Variants in NPAS3 observed in about 807,000 individuals in gnomAD.
NPAS3 encodes the protein neuronal PAS domain protein 3, also known as neuronal PAS domain-containing protein 3.
A neutral mutation model predicts 73.1 loss-of-function variants in NPAS3; 14 were observed. That is an observed-to-expected ratio of 0.19 (90% confidence interval 0.13 to 0.30). The LOEUF (loss-of-function observed/expected upper bound fraction) is 0.30. Ranked by LOEUF, NPAS3 falls within the 10% of genes least tolerant of loss-of-function variation. NPAS3 has a pLI of 1.00. For missense variants in NPAS3, 1,096 were observed against 1,250.0 expected (o/e 0.88, Z 1.86); for synonymous variants, 620 against 541.5 (o/e 1.14, Z -2.01).
intron 1 of NPAS3, among the ~76,000 whole-genome samples, chr14:32,941,137 T>C (rs2139049582): frequency 6.6e-6 from 1 of 152,172 alleles, no homozygotes; most frequent in South Asian, 2.1e-4. Context: ...TTATTTTTTA[T>C]CTAACATGAA....
intron 5 of NPAS3, among the ~76,000 whole-genome samples, chr14:33,604,347 TAGAA>T (rs1489698821): frequency 3.9e-5 from 6 of 152,170 alleles, no homozygotes; most frequent in South Asian, 2.1e-4. Context: ...TTAGCACTAA[TAGAA>T]AGAGTAGCTA....
intron 4 of NPAS3, among the ~76,000 whole-genome samples, chr14:33,445,353 CT>C (rs1410817118): frequency 6.6e-6 from 1 of 152,176 alleles, no homozygotes; most frequent in Admixed American, 6.5e-5. Context: ...ATCATTCCGT[CT>C]TTGTGAAACT....
intron 4 of NPAS3, among the ~76,000 whole-genome samples, chr14:33,380,632 C>T (rs2046506186): frequency 6.6e-6 from 1 of 152,108 alleles, no homozygotes; most frequent in Admixed American, 6.6e-5. Context: ...AATGTCATGC[C>T]ATTTTGCTTT....
chr14:33,503,840 A>C (rs1451827716), intron 4 of NPAS3, among the ~76,000 whole-genome samples: 2 of 151,996 alleles, frequency 1.3e-5, no homozygotes, highest in Non-Finnish European at 2.9e-5. Context: ...TTTTCCCTTT[A>C]GGGGGAGAAT....
At chr14:33,495,247 C>T (rs1170939946) in intron 4 of NPAS3, among the ~76,000 whole-genome samples, 1 of 152,092 alleles carries the variant, frequency 6.6e-6, no homozygotes, top group Non-Finnish European at 1.5e-5. Context: ...AGTAAAGGAG[C>T]AGGAGCAGGT....
At chr14:33,777,712 G>A (rs910461299) in intron 8 of NPAS3, among the ~76,000 whole-genome samples, 8 of 152,184 alleles carry the variant, frequency 5.3e-5, no homozygotes, top group Non-Finnish European at 1.0e-4. Flanking sequence ...CCCCCAACAC[G>A]GTTTCCAATT....
chr14:33,056,426 A>G (rs1254713064), intron 2 of NPAS3, among the ~76,000 whole-genome samples: 1 of 152,228 alleles, frequency 6.6e-6, no homozygotes, highest in African/African-American at 2.4e-5. Flanking sequence ...TGTAATTTGC[A>G]TAATCCTTTA....
intron 3 of NPAS3, among the ~76,000 whole-genome samples, chr14:33,326,210 G>T (rs1230703816): frequency 6.6e-6 from 1 of 152,096 alleles, no homozygotes; most frequent in Non-Finnish European, 1.5e-5. Context: ...GCTCATCCAT[G>T]TAGAGATTAT....
intron 3 of NPAS3, among the ~76,000 whole-genome samples, chr14:33,250,591 T>A (rs2048546105): frequency 6.6e-6 from 1 of 152,148 alleles, no homozygotes; most frequent in African/African-American, 2.4e-5. Context: ...GTGGACTGTC[T>A]GTTTACTTTG....
At chr14:33,299,221 T>C (rs549568928) in intron 3 of NPAS3, among the ~76,000 whole-genome samples, 41 of 152,314 alleles carry the variant, frequency 2.7e-4, no homozygotes, top group African/African-American at 9.9e-4. Context: ...TCCCCTGAGA[T>C]ACCGTCTTTC....
intron 2 of NPAS3, among the ~76,000 whole-genome samples, chr14:33,176,059 AATAG>A: frequency 6.6e-6 from 1 of 152,302 alleles, no homozygotes; most frequent in Admixed American, 6.5e-5. Flanking sequence ...TTTAAGAGGA[AATAG>A]ATAGGTCTTA....
chr14:33,172,975 G>T (rs551909862), intron 2 of NPAS3, among the ~76,000 whole-genome samples: 15 of 152,120 alleles, frequency 9.9e-5, no homozygotes, highest in African/African-American at 3.6e-4. Context: ...TAACAGATAG[G>T]AACATATTGT....
chr14:33,378,645 A>T (rs2046408632), intron 4 of NPAS3, among the ~76,000 whole-genome samples: 1 of 152,132 alleles, frequency 6.6e-6, no homozygotes, highest in Non-Finnish European at 1.5e-5. Context: ...CAAAAAAAAT[A>T]AATAAAATAA....
rs78969587 is a variant in NPAS3, at chr14:33,349,370, G to T, written c.386-17816G>T. Among the ~76,000 whole-genome samples the T allele has an allele frequency of 1.0e-2, 1,521 of 152,290 alleles. 130 individuals are homozygous for T. The East Asian group carries it at 0.21, about 21-fold the overall frequency. ...TTCTTTCTATGATAGAATTATTTCAGTTGCTTATGAAAGCTGAATATGTGT... is the reference window on the plus strand; with the variant it reads ...TTCTTTCTATGATAGAATTATTTCATTTGCTTATGAAAGCTGAATATGTGT... On this transcript the variant is annotated intron_variant, in intron 3 of 11. Coordinates refer to ENST00000356141, the Ensembl canonical transcript of NPAS3.
At chr14:33,027,617 C>T (rs180834641) in intron 1 of NPAS3, among the ~76,000 whole-genome samples, 21 of 152,150 alleles carry the variant, frequency 1.4e-4, no homozygotes, top group African/African-American at 4.1e-4. Context: ...TGCTCATTGA[C>T]GAGAGGTAAT....
chr14:33,401,124 T>C (rs2047427008), intron 4 of NPAS3, among the ~76,000 whole-genome samples: 1 of 151,940 alleles, frequency 6.6e-6, no homozygotes, highest in South Asian at 2.1e-4. Context: ...AGAAATCATT[T>C]TCCCCTTCAG....
At chr14:32,996,192 G>A (rs2038562545) in intron 1 of NPAS3, among the ~76,000 whole-genome samples, 1 of 152,172 alleles carries the variant, frequency 6.6e-6, no homozygotes, top group Admixed American at 6.5e-5. Flanking sequence ...TGAAGGAGAT[G>A]ATTTAGGGTA....
chr14:33,072,936 T>A (rs1190040790), intron 2 of NPAS3, among the ~76,000 whole-genome samples: 1 of 152,190 alleles, frequency 6.6e-6, no homozygotes, highest in Non-Finnish European at 1.5e-5. Context: ...ATATAATTTT[T>A]AAAGTTGCCT....
At chr14:33,570,912 T>G (rs1260807056) in intron 5 of NPAS3, among the ~76,000 whole-genome samples, 1 of 152,194 alleles carries the variant, frequency 6.6e-6, no homozygotes, top group Non-Finnish European at 1.5e-5. Context: ...ATGATGTTAC[T>G]AATTTTGAGC....
Sources: gnomAD v4.1 joint callset for allele counts (sites outside exome capture counted in the v4.1 genomes callset) on GRCh38, gnomAD v4.1.1 for gene constraint, MANE v1.5 for transcripts, NCBI Gene and HGNC (gene_info 2026-07-23, HGNC 2026-07-21) for gene names.